The following GPC6 variants were observed in gnomAD, a reference collection of about 807,000 sequenced individuals.
GPC6 encodes the protein glypican-6.
In GPC6, 14 loss-of-function variants were observed where a neutral mutation model predicts 55.2. That is an observed-to-expected ratio of 0.25 (90% CI 0.17 to 0.40). GPC6 has a LOEUF of 0.40. Ranked by LOEUF, GPC6 falls within the 10% of genes least tolerant of loss-of-function variation. The pLI is 1.00. For synonymous variants in GPC6, 278 were observed against 259.6 expected (o/e 1.07, Z -0.68); for missense variants, 641 against 708.5 (o/e 0.90, Z 1.08).
chr13:93,699,684 A>G (rs1882602012), intron 2 of GPC6, among the ~76,000 whole-genome samples: 1 of 152,120 alleles, frequency 6.6e-6, no homozygotes, highest in Middle Eastern at 3.2e-3. Flanking sequence ...TATGCTTTCT[A>G]TAGGAATTGT....
intron 2 of GPC6, among the ~76,000 whole-genome samples, chr13:93,626,304 A>G (rs996853305): frequency 6.6e-6 from 1 of 152,138 alleles, no homozygotes; most frequent in Non-Finnish European, 1.5e-5. Flanking sequence ...AGAACGTTAA[A>G]CCAAGTTTGG....
intron 4 of GPC6, among the ~76,000 whole-genome samples, chr13:94,244,174 G>T (rs948990510): frequency 3.9e-5 from 6 of 152,088 alleles, no homozygotes; most frequent in Admixed American, 1.3e-4. Context: ...AGGGGGCAAA[G>T]AGGAAGAATA....
At chr13:93,426,890 C>A (rs1877150535) in intron 1 of GPC6, among the ~76,000 whole-genome samples, 1 of 146,704 alleles carries the variant, frequency 6.8e-6, no homozygotes, top group Non-Finnish European at 1.5e-5. Context: ...CACATCCTCT[C>A]CAGCACCTGT....
chr13:94,065,093 A>G (rs946600880), intron 4 of GPC6, among the ~76,000 whole-genome samples: 1 of 150,754 alleles, frequency 6.6e-6, no homozygotes, highest in Non-Finnish European at 1.5e-5. Flanking sequence ...TGATCTTTAT[A>G]CCCATTTTTT....
intron 2 of GPC6, among the ~76,000 whole-genome samples, chr13:93,668,511 G>T (rs887211199): frequency 1.3e-5 from 2 of 152,238 alleles, no homozygotes; most frequent in South Asian, 2.1e-4. Flanking sequence ...AATAAATTGA[G>T]GATTTTTGAG....
At chr13:93,248,681 G>A (rs1425259771) in intron 1 of GPC6, among the ~76,000 whole-genome samples, 1 of 152,172 alleles carries the variant, frequency 6.6e-6, no homozygotes, top group Non-Finnish European at 1.5e-5. Context: ...ACTGCTGGGA[G>A]CCGCTGCCTG....
At chr13:94,354,943 A>G (rs1179492263) in intron 6 of GPC6, among the ~76,000 whole-genome samples, 1 of 152,130 alleles carries the variant, frequency 6.6e-6, no homozygotes, top group African/African-American at 2.4e-5. Context: ...CCATGTTCAA[A>G]TCCATATATT....
chr13:93,965,555 C>T (rs9301919), intron 3 of GPC6, among the ~76,000 whole-genome samples: 30,987 of 152,052 alleles, frequency 0.2, 3,428 homozygotes, highest in East Asian at 0.39. Context: ...CATGGGACTT[C>T]TGAGCTGAGG....
chr13:93,727,263 A>G (rs1378417187), intron 2 of GPC6, among the ~76,000 whole-genome samples: 2 of 152,180 alleles, frequency 1.3e-5, no homozygotes, highest in Non-Finnish European at 2.9e-5. Context: ...AAGCTTTCAA[A>G]TATGGACTCT....
intron 4 of GPC6, among the ~76,000 whole-genome samples, chr13:94,271,382 G>GCGCGCACACA (rs1491286473): frequency 1.6e-4 from 20 of 126,758 alleles, no homozygotes; most frequent in Non-Finnish European, 2.3e-4. Context: ...GCGCGCGCGC[G>GCGCGCACACA]CACACACACA....
chr13:94,310,966 T>C (rs1876213998), intron 6 of GPC6, among the ~76,000 whole-genome samples: 1 of 152,154 alleles, frequency 6.6e-6, no homozygotes, highest in South Asian at 2.1e-4. Context: ...AATGTTTCCA[T>C]TAGCTGAGAC....
At chr13:93,560,680 C>T (rs546428653) in intron 2 of GPC6, among the ~76,000 whole-genome samples, 57 of 151,574 alleles carry the variant, frequency 3.8e-4, no homozygotes, top group African/African-American at 1.3e-3. Flanking sequence ...ACTGTGAAAC[C>T]GCGTCTGTAC....
intron 3 of GPC6, among the ~76,000 whole-genome samples, chr13:93,968,418 TA>T (rs1445217018): frequency 6.6e-6 from 1 of 152,168 alleles, no homozygotes; most frequent in Admixed American, 6.5e-5. Flanking sequence ...ACAATTAGCT[TA>T]AAAAACAGTT....
chr13:93,397,668 A>G (rs1453667845), intron 1 of GPC6, among the ~76,000 whole-genome samples: 1 of 152,172 alleles, frequency 6.6e-6, no homozygotes, highest in Non-Finnish European at 1.5e-5. Context: ...GTTACAGGAC[A>G]CAAAGTATGT....
intron 4 of GPC6, among the ~76,000 whole-genome samples, chr13:94,082,716 A>G (rs1480404757): frequency 1.3e-5 from 2 of 152,156 alleles, no homozygotes; most frequent in African/African-American, 4.8e-5. Flanking sequence ...ATTTCCTAGC[A>G]TCTTCCATTT....
chr13:93,342,497 A>G (rs1880294018), intron 1 of GPC6, among the ~76,000 whole-genome samples: 1 of 152,130 alleles, frequency 6.6e-6, no homozygotes, highest in African/African-American at 2.4e-5. Context: ...ACAGCATGGG[A>G]AAAACCCTCC....
intron 1 of GPC6, among the ~76,000 whole-genome samples, chr13:93,497,414 G>T (rs761580529): frequency 5.9e-5 from 9 of 152,186 alleles, no homozygotes; most frequent in Non-Finnish European, 1.2e-4. Context: ...AAGCATCAGC[G>T]CTTCTTACTG....
chr13:93,682,746 G>A (rs751740522), intron 2 of GPC6, among the ~76,000 whole-genome samples: 35 of 151,196 alleles, frequency 2.3e-4, no homozygotes, highest in Admixed American at 4.0e-4. Flanking sequence ...GAGCATGGTG[G>A]CCTGTAATCC....
intron 4 of GPC6, among the ~76,000 whole-genome samples, chr13:94,082,915 T>C (rs1885151075): frequency 1.3e-5 from 2 of 152,196 alleles, no homozygotes; most frequent in South Asian, 4.1e-4. Flanking sequence ...CAGAATGTAG[T>C]ATTCTAAATG....
Sources: allele counts gnomAD v4.1 joint callset (sites outside exome capture counted in the v4.1 genomes callset), GRCh38; gene constraint gnomAD v4.1.1; transcripts MANE v1.5; gene names NCBI Gene and HGNC (gene_info 2026-07-23, HGNC 2026-07-21).